Variants in UGT2B11 observed in about 807,000 individuals in gnomAD.
UGT2B11 encodes the protein UDP-glucuronosyltransferase 2B11.
In UGT2B11, 49 loss-of-function variants were observed where a neutral mutation model predicts 51.7. That is an observed-to-expected ratio of 0.95 (90% CI 0.75 to 1.20). The LOEUF (loss-of-function observed/expected upper bound fraction) is 1.20. Ranked by LOEUF, UGT2B11 falls within the 50% of genes most tolerant of loss-of-function variation. The pLI is 0.00. For synonymous variants in UGT2B11, 273 were observed against 209.0 expected (o/e 1.31, Z -2.64); for missense variants, 810 against 622.1 (o/e 1.30, Z -3.21).
the UGT2B11 span, among the ~76,000 whole-genome samples, chr4:69,220,248 G>C: frequency 1.8e-5 from 1 of 54,746 alleles, no homozygotes; most frequent in African/African-American, 7.8e-5. Context: ...GGATTCCATG[G>C]TCTTCGGCAG....
chr4:69,200,386 T>C lies in UGT2B11; in HGVS notation c.*54A>G. The C allele has an allele frequency of 3.6e-6, 5 of 1,398,808 alleles. No individual in the cohort carries two copies. Among genetic ancestry groups the C allele is most frequent in the Non-Finnish European group, 4.7e-6 (5 of 1,062,272 alleles). 86.6% of individuals were successfully genotyped at this position (1,398,808 alleles called of 1,614,324 possible). ...AACAATCTTTTCTTTCTTGCTGGAA[T>C]AAACTGAAGTTGTCCTATCTATCTG... On this transcript the variant is annotated 3_prime_UTR_variant, in exon 6 of 6. Transcript: ENST00000446444.
the UGT2B11 span, among the ~76,000 whole-genome samples, chr4:69,223,862 C>G: frequency 6.6e-6 from 1 of 152,096 alleles, no homozygotes. Context: ...GTTCAAATAG[C>G]AATTCAATGG....
chr4:69,202,242 G>T (rs548060975), intron 5 of UGT2B11, among the ~76,000 whole-genome samples: 1 of 151,768 alleles, frequency 6.6e-6, no homozygotes, highest in East Asian at 2.0e-4. Flanking sequence ...CGAACACTCT[G>T]CTATACAGCA....
At chr4:69,217,270 C>T (rs1303620512), upstream of UGT2B11, among the ~76,000 whole-genome samples, 1 of 152,024 alleles carries the variant, frequency 6.6e-6, no homozygotes, top group Admixed American at 6.6e-5. Context: ...AAATTTACAT[C>T]AAAGTAGAAT....
chr4:69,206,798 T>C (rs1721876328), intron 3 of UGT2B11, among the ~76,000 whole-genome samples: 1 of 151,706 alleles, frequency 6.6e-6, no homozygotes, highest in Non-Finnish European at 1.5e-5. Context: ...CCAAATTTAA[T>C]TGTAATGTAT....
At chr4:69,216,438 T>G (rs1458178891), upstream of UGT2B11, 1 of 151,934 alleles carries the variant, frequency 6.6e-6, no homozygotes, top group African/African-American at 2.4e-5. Flanking sequence ...TAACAGCAGA[T>G]TGTTGGAATC....
At chr4:69,216,582 G>C (rs1313951467), upstream of UGT2B11, 1 of 151,396 alleles carries the variant, frequency 6.6e-6, no homozygotes, top group Non-Finnish European at 1.5e-5. Flanking sequence ...GCAGGATTCA[G>C]GGCTAAAATA....
chr4:69,200,661 G>A lies in UGT2B11; in HGVS notation c.1369C>T (p.Leu457=), dbSNP rs560641099. 1.3e-5 allele frequency: 21 copies of A among 1,612,218 alleles called. No individual in the cohort carries two copies. In the African/African-American group the frequency reaches 2.4e-4, roughly 18 times the overall value. ...TCAATCCAGAAGACTGCTCGATCCA[G>A]GGGCTTTACTGGTTGATCATGTTGA... ...RIQHDQPVKP[L]DRAVFWIEFV... is the part of the protein sequence containing the mutation. The change falls in exon 6 of 6, where the codon CTG becomes TTG. Residue 457 remains leucine, a synonymous_variant. Transcript: ENST00000446444.
At chr4:69,206,656 T>A (rs1721868373) in intron 3 of UGT2B11, among the ~76,000 whole-genome samples, 1 of 151,636 alleles carries the variant, frequency 6.6e-6, no homozygotes, top group Non-Finnish European at 1.5e-5. Flanking sequence ...TAATTTAATT[T>A]AAAAAATAAA....
At position 69,212,643 on chromosome 4, in the gene UGT2B11, G is replaced by T. The variant is rs1236807554; in HGVS notation, c.800C>A (p.Pro267His). 6.2e-7 allele frequency: 1 copy of T among 1,610,168 alleles called. No homozygotes were observed. Among genetic ancestry groups the T allele is most frequent in the Non-Finnish European group, 8.5e-7 (1 of 1,177,600 alleles). ...ATCAACGTTTGGTAAGAATGGATGA[G>T]GAAATTGAAAACTCCAGGAGTTTCG... ...LMRNSWSFQFPHPFLPNVDFV... is the reference protein window; with the variant it reads ...LMRNSWSFQFHHPFLPNVDFV... Residue 267 changes from proline (P) to histidine (H), a missense_variant, in exon 2 of 6, where the codon CCT becomes CAT. Coordinates refer to ENST00000446444, the MANE Select transcript of UGT2B11 (RefSeq NM_001073.3).
At chr4:69,223,936 T>C in the UGT2B11 span, among the ~76,000 whole-genome samples, 1 of 152,308 alleles carries the variant, frequency 6.6e-6, no homozygotes, top group East Asian at 1.9e-4. Flanking sequence ...GGGGAAAGTC[T>C]ATCTGGGGAG....
chr4:69,206,821 G>T (rs1464683412), intron 3 of UGT2B11, among the ~76,000 whole-genome samples: 5 of 151,274 alleles, frequency 3.3e-5, no homozygotes, highest in African/African-American at 1.2e-4. Context: ...GTTTATTTTT[G>T]AATAATATGA....
intron 3 of UGT2B11, among the ~76,000 whole-genome samples, chr4:69,208,036 T>C (rs1195026651): frequency 6.6e-6 from 1 of 151,636 alleles, no homozygotes; most frequent in Non-Finnish European, 1.5e-5. Flanking sequence ...TATGTATGAC[T>C]CTTAATATCA....
At chr4:69,221,988 C>T in the UGT2B11 span, among the ~76,000 whole-genome samples, 1 of 152,276 alleles carries the variant, frequency 6.6e-6, no homozygotes, top group Non-Finnish European at 1.5e-5. Context: ...CTTAAAGTGT[C>T]CTTGCAAACC....
chr4:69,217,812 T>A (rs926274445), upstream of UGT2B11, among the ~76,000 whole-genome samples: 10 of 151,964 alleles, frequency 6.6e-5, no homozygotes, highest in South Asian at 6.2e-4. Flanking sequence ...ACAAAAAAAA[T>A]TTATTTGCCA....
chr4:69,217,262 A>T (rs1050188174), upstream of UGT2B11, among the ~76,000 whole-genome samples: 1 of 152,134 alleles, frequency 6.6e-6, no homozygotes, highest in African/African-American at 2.4e-5. Flanking sequence ...CTCACCAGAA[A>T]TTTACATCAA....
At chr4:69,222,761 CTGTT>C in the UGT2B11 span, among the ~76,000 whole-genome samples, 4 of 152,038 alleles carry the variant, frequency 2.6e-5, no homozygotes, top group Non-Finnish European at 5.9e-5. Context: ...TTGCCTTTAT[CTGTT>C]TCAAATCTTG....
At chr4:69,202,238 C>G (rs1721685873) in intron 5 of UGT2B11, among the ~76,000 whole-genome samples, 1 of 151,660 alleles carries the variant, frequency 6.6e-6, no homozygotes, top group African/African-American at 2.4e-5. Context: ...GTCACGAACA[C>G]TCTGCTATAC....
At chr4:69,219,328 T>C (rs146724046), upstream of UGT2B11, among the ~76,000 whole-genome samples, 253 of 152,310 alleles carry the variant, frequency 1.7e-3, 1 homozygote, top group Non-Finnish European at 3.0e-3. Context: ...AAGTTCCTTA[T>C]AGATTTTTGA....
Sources: gnomAD v4.1 joint callset for allele counts (sites outside exome capture counted in the v4.1 genomes callset) on GRCh38, gnomAD v4.1.1 for gene constraint, MANE v1.5 for transcripts, NCBI Gene and HGNC (gene_info 2026-07-23, HGNC 2026-07-21) for gene names.